The following RAB2A variants were observed in gnomAD, a reference collection of about 807,000 sequenced individuals.
RAB2A encodes the protein RAB2A, member RAS oncogene family.
RAB2A carries 7 observed loss-of-function variants against 32.5 expected under a neutral mutation model. That is an observed-to-expected ratio of 0.22 (90% CI 0.12 to 0.40). The LOEUF is 0.40. Ranked by LOEUF, RAB2A falls within the 10% of genes least tolerant of loss-of-function variation. RAB2A has a pLI of 1.00. For missense variants in RAB2A, 108 were observed against 260.7 expected (o/e 0.41, Z 4.03); for synonymous variants, 79 against 85.2 (o/e 0.93, Z 0.40).
At chr8:60,596,448 T>C (rs1300262226) in intron 6 of RAB2A, among the ~76,000 whole-genome samples, 1 of 152,002 alleles carries the variant, frequency 6.6e-6, no homozygotes, top group Non-Finnish European at 1.5e-5. Context: ...TAAACAAATT[T>C]ACAAGAAAAA....
chr8:60,577,664 C>T (rs1803662098), intron 3 of RAB2A, among the ~76,000 whole-genome samples: 2 of 151,986 alleles, frequency 1.3e-5, no homozygotes, highest in Admixed American at 6.6e-5. Context: ...CGCTCTGTCG[C>T]CCAGGCTGGA....
At chr8:60,534,924 T>TA (rs1476335754) in intron 1 of RAB2A, among the ~76,000 whole-genome samples, 4 of 151,924 alleles carry the variant, frequency 2.6e-5, no homozygotes, top group East Asian at 1.9e-4. Context: ...CCTTTTTTTT[T>TA]TTCTTGCTTG....
chr8:60,603,925 C>T (rs1306998976), intron 6 of RAB2A, among the ~76,000 whole-genome samples: 4 of 152,050 alleles, frequency 2.6e-5, no homozygotes, highest in Non-Finnish European at 4.4e-5. Context: ...AAAATAGATG[C>T]TTGATTGATA....
chr8:60,547,711 C>G (rs1308430733), intron 1 of RAB2A, among the ~76,000 whole-genome samples: 13 of 119,838 alleles, frequency 1.1e-4, no homozygotes, highest in African/African-American at 1.5e-4. Flanking sequence ...GGGCTGACCC[C>G]CCCACCTCCC....
chr8:60,548,752 G>A (rs1460444954), intron 1 of RAB2A, among the ~76,000 whole-genome samples: 2 of 140,686 alleles, frequency 1.4e-5, no homozygotes, highest in East Asian at 2.2e-4. Flanking sequence ...GGATGGGGCG[G>A]CTGGCCGGGC....
chr8:60,522,755 T>C (rs1807320225), intron 1 of RAB2A, among the ~76,000 whole-genome samples: 1 of 151,924 alleles, frequency 6.6e-6, no homozygotes, highest in South Asian at 2.1e-4. Flanking sequence ...GGAAGGGGAT[T>C]AGATTCTCAA....
In RAB2A at chr8:60,621,660, C is replaced by T. The variant is rs2150441041; in HGVS notation, c.*891C>T. The T allele has an allele frequency of 6.6e-6, 1 of 152,270 alleles. No individual in the cohort carries two copies. The highest frequency in any genetic ancestry group is 1.9e-4 in the East Asian group (1 of 5,186). The allele number at this position is 152,270 out of a possible 1,614,324, so 9.4% of individuals were successfully genotyped here. On this transcript the variant is annotated 3_prime_UTR_variant, in exon 8 of 8. Coordinates refer to ENST00000262646, the MANE Select transcript of RAB2A (RefSeq NM_002865.3). ...ACATTTAGATGGCACATTATGAGGA[C>T]TTTAATCTTTCCTTAAACACAATAA...
chr8:60,614,713 A>C (rs981023965), intron 6 of RAB2A, among the ~76,000 whole-genome samples: 5 of 152,198 alleles, frequency 3.3e-5, no homozygotes, highest in Admixed American at 6.5e-5. Context: ...TTTTGCCTTA[A>C]GTTTAGGTAT....
chr8:60,563,488 T>G (rs1808054431), intron 2 of RAB2A, among the ~76,000 whole-genome samples: 1 of 152,126 alleles, frequency 6.6e-6, no homozygotes, highest in South Asian at 2.1e-4. Context: ...CTGGAGGTAA[T>G]GGCTTTTAAA....
chr8:60,589,795 C>T (rs2130852491), intron 5 of RAB2A, among the ~76,000 whole-genome samples: 1 of 152,008 alleles, frequency 6.6e-6, no homozygotes, highest in Admixed American at 6.6e-5. Flanking sequence ...TTTGATTTGA[C>T]CTATAGTAAG....
chr8:60,604,870 GA>G lies in RAB2A; in HGVS notation c.474+12905del, dbSNP rs139441571. Among the ~76,000 whole-genome samples the G allele has an allele frequency of 1.2e-3, 188 of 152,320 alleles. 1 individual carries two copies. Among genetic ancestry groups the G allele is most frequent in the African/African-American group, 3.8e-3 (156 of 41,558 alleles). ...AAATTTGTAGCCTGGCCATGTGGTA[GA>G]AAAGAAAAGTCCATTTCAGGAGAGG... is the stretch of plus-strand genomic sequence containing the variant. On this transcript the variant is annotated intron_variant, in intron 6 of 7. Coordinates refer to ENST00000262646, the MANE Select transcript of RAB2A (RefSeq NM_002865.3).
At chr8:60,576,804 G>A (rs1803641341) in intron 3 of RAB2A, among the ~76,000 whole-genome samples, 1 of 152,114 alleles carries the variant, frequency 6.6e-6, no homozygotes, top group Non-Finnish European at 1.5e-5. Flanking sequence ...TCCCATTACT[G>A]TCACTTCCTC....
Position 60,623,539 on chromosome 8 carries a change from A to G in RAB2A, c.*2770A>G, listed in dbSNP as rs189591638. On this transcript the variant is annotated 3_prime_UTR_variant, in exon 8 of 8. Coordinates refer to ENST00000262646, the MANE Select transcript of RAB2A (RefSeq NM_002865.3). ...ATAATAAACAGGAATTGACTATACA[A>G]ATAGGTAAACCAGCATATCTACCTG... 1.3e-5 allele frequency: 2 copies of G among 152,320 alleles called. No individual in the cohort carries two copies. Among genetic ancestry groups the G allele is most frequent in the Non-Finnish European group, 2.9e-5 (2 of 68,026 alleles). 9.4% of individuals were successfully genotyped at this position (152,320 alleles called of 1,614,324 possible).
At chr8:60,547,124 T>TGTG (rs1448842786) in intron 1 of RAB2A, among the ~76,000 whole-genome samples, 1 of 151,534 alleles carries the variant, frequency 6.6e-6, no homozygotes, top group East Asian at 1.9e-4. Context: ...CCTTCAAGCA[T>TGTG]CTGTTTAACA....
chr8:60,603,859 T>C (rs1353901801), intron 6 of RAB2A, among the ~76,000 whole-genome samples: 1 of 151,974 alleles, frequency 6.6e-6, no homozygotes, highest in East Asian at 1.9e-4. Context: ...TGTCTCTATT[T>C]AAAAAGACAG....
chr8:60,569,646 G>A (rs1808166256), intron 2 of RAB2A, among the ~76,000 whole-genome samples: 1 of 152,084 alleles, frequency 6.6e-6, no homozygotes. Context: ...CCAAGTAGCT[G>A]GGACCACAGG....
At chr8:60,528,398 C>T (rs1807424558) in intron 1 of RAB2A, among the ~76,000 whole-genome samples, 1 of 152,146 alleles carries the variant, frequency 6.6e-6, no homozygotes, top group Admixed American at 6.5e-5. Flanking sequence ...TCCCCATATG[C>T]ATTTGAAAAA....
chr8:60,603,717 A>G (rs1002796458), intron 6 of RAB2A, among the ~76,000 whole-genome samples: 1 of 152,178 alleles, frequency 6.6e-6, no homozygotes, highest in Non-Finnish European at 1.5e-5. Context: ...GGATGGTGCT[A>G]TGATATTATT....
intron 3 of RAB2A, among the ~76,000 whole-genome samples, chr8:60,574,550 T>C (rs1462709354): frequency 2.6e-5 from 4 of 152,336 alleles, no homozygotes; most frequent in East Asian, 1.9e-4. Context: ...AACCACTTCA[T>C]TGTCTGTAGG....
Sources: allele counts gnomAD v4.1 joint callset (sites outside exome capture counted in the v4.1 genomes callset), GRCh38; gene constraint gnomAD v4.1.1; transcripts MANE v1.5; gene names NCBI Gene and HGNC (gene_info 2026-07-23, HGNC 2026-07-21).